Variants in INVS observed in about 807,000 individuals in gnomAD.
INVS encodes the protein inversion of embryo turning homolog.
INVS carries 86 observed loss-of-function variants against 108.8 expected under a neutral mutation model. The observed-to-expected ratio is 0.79, with a 90% CI of 0.66 to 0.95. INVS has a LOEUF of 0.95. Among genes scored for constraint, INVS ranks in the 40% least tolerant of loss-of-function variants. The pLI is 0.00. For synonymous variants in INVS, 455 were observed against 473.5 expected (o/e 0.96, Z 0.51); for missense variants, 1,169 against 1,297.4 (o/e 0.90, Z 1.52).
chr9:100,288,184 T>C (rs1273528039), intron 13 of INVS, among the ~76,000 whole-genome samples: 1 of 152,232 alleles, frequency 6.6e-6, no homozygotes, highest in Non-Finnish European at 1.5e-5. Flanking sequence ...GGTGGCTTCC[T>C]ATTCCATTGT....
chr9:100,133,782 CACACACACACACACACACACACAT>C (rs1010243169), intron 3 of INVS, among the ~76,000 whole-genome samples: 11 of 150,926 alleles, frequency 7.3e-5, no homozygotes, highest in African/African-American at 2.7e-4. Context: ...CACACACACA[CACACACACACACACACACACACAT>C]ACACACATCC....
intron 3 of INVS, among the ~76,000 whole-genome samples, chr9:100,210,537 C>G (rs915930642): frequency 1.3e-5 from 2 of 152,206 alleles, no homozygotes; most frequent in African/African-American, 2.4e-5. Flanking sequence ...TGAAGTCATT[C>G]TGTTCTAACC....
intron 10 of INVS, among the ~76,000 whole-genome samples, chr9:100,258,298 A>G (rs1427003985): frequency 1.3e-5 from 2 of 152,132 alleles, no homozygotes; most frequent in African/African-American, 4.8e-5. Context: ...CTAGTTAGCC[A>G]TTCGTCTAAT....
chr9:100,218,450 A>G (rs1831054414), intron 3 of INVS, among the ~76,000 whole-genome samples: 1 of 152,230 alleles, frequency 6.6e-6, no homozygotes, highest in Non-Finnish European at 1.5e-5. Context: ...TCAGCTGAAG[A>G]GGAAGCAAAT....
intron 3 of INVS, among the ~76,000 whole-genome samples, chr9:100,221,287 G>A (rs998028054): frequency 6.7e-6 from 1 of 149,862 alleles, no homozygotes; most frequent in Non-Finnish European, 1.5e-5. Flanking sequence ...CCCAAAGATT[G>A]AATTTGCATA....
chr9:100,253,986 G>A (rs10819751), intron 10 of INVS, among the ~76,000 whole-genome samples: 45,683 of 151,882 alleles, frequency 0.3, 7,980 homozygotes, highest in Non-Finnish European at 0.41. Context: ...TTTAGGAGTC[G>A]CCACACTGTC....
chr9:100,277,938 A>G (rs1220980340), intron 12 of INVS, among the ~76,000 whole-genome samples: 2 of 152,162 alleles, frequency 1.3e-5, no homozygotes, highest in African/African-American at 4.8e-5. Flanking sequence ...ACAATCGTAT[A>G]TAAGGAATTT....
intron 12 of INVS, among the ~76,000 whole-genome samples, chr9:100,274,245 C>G (rs1833050371): frequency 6.6e-6 from 1 of 152,024 alleles, no homozygotes; most frequent in South Asian, 2.1e-4. Flanking sequence ...GTTATGCCAG[C>G]TACTCGGGAG....
intron 16 of INVS, among the ~76,000 whole-genome samples, chr9:100,299,633 T>C (rs906545948): frequency 9.6e-6 from 1 of 104,044 alleles, no homozygotes; most frequent in Non-Finnish European, 2.0e-5. Flanking sequence ...GAGCCTTTTA[T>C]TGACACACAC....
At chr9:100,242,097 G>A (rs1266721613) in intron 6 of INVS, among the ~76,000 whole-genome samples, 1 of 152,128 alleles carries the variant, frequency 6.6e-6, no homozygotes, top group Non-Finnish European at 1.5e-5. Flanking sequence ...ATAGGGATGG[G>A]AAGCCTCAGA....
At position 100,301,782 on chromosome 9, in the gene INVS, C is replaced by T. The variant is rs2118805927; in HGVS notation, c.*1108C>T. 6.6e-6 allele frequency among the ~76,000 whole-genome samples: 1 copy of T among 152,282 alleles called. No homozygotes were observed. The highest frequency in any genetic ancestry group is 1.5e-5 in the Non-Finnish European group (1 of 68,018). Reference sequence around the variant, plus strand: ...AGACAGATAGGCAATGAAGTGTTCACTTAATTACCTTGGTTTTTAGTTTAC... The same window carrying T: ...AGACAGATAGGCAATGAAGTGTTCATTTAATTACCTTGGTTTTTAGTTTAC... On this transcript the variant is annotated 3_prime_UTR_variant, in exon 17 of 17. Coordinates refer to ENST00000262457, the MANE Select transcript of INVS (RefSeq NM_014425.5).
chr9:100,219,094 A>C (rs1437460870), intron 3 of INVS, among the ~76,000 whole-genome samples: 1 of 152,148 alleles, frequency 6.6e-6, no homozygotes, highest in Non-Finnish European at 1.5e-5. Context: ...GGAGAGCATA[A>C]ATAAAGCAAA....
In INVS at chr9:100,292,872, A is replaced by C. The variant is rs747238550; in HGVS notation, c.2615A>C (p.Gln872Pro). 8 of 1,614,170 alleles carry C rather than the reference A, an allele frequency of 5.0e-6. No homozygotes were observed. The highest frequency in any genetic ancestry group is 6.8e-6 in the Non-Finnish European group (8 of 1,180,028). The change falls in exon 14 of 17, where the codon CAG (glutamine) becomes CCG (proline). Residue 872 changes from glutamine (Q) to proline (P), a missense_variant. Gln to Pro is a moderately conservative substitution (Grantham distance 76). Around this residue, in one of 3 missense-constraint regions of INVS, gnomAD observed 533 missense variants for 536.0 expected, o/e 0.99. Coordinates refer to ENST00000262457, the MANE Select transcript of INVS (RefSeq NM_014425.5). ...LETSTLSEDF[Q>P]VSKETDPAPG... ...ACATCTACCCTGTCCGAGGACTTTCAGGTATCTAAGGAGACTGATCCAGCA... is the reference window on the plus strand; with the variant it reads ...ACATCTACCCTGTCCGAGGACTTTCCGGTATCTAAGGAGACTGATCCAGCA...
intron 3 of INVS, among the ~76,000 whole-genome samples, chr9:100,196,958 TCTCCACCAGCAAGCAAGCA>T (rs1830394981): frequency 6.6e-6 from 1 of 152,034 alleles, no homozygotes; most frequent in Non-Finnish European, 1.5e-5. Flanking sequence ...TATGGAGACC[TCTCCACCAGCAAGCAAGCA>T]GTCAGTTCTG....
intron 2 of INVS, among the ~76,000 whole-genome samples, chr9:100,122,872 C>T (rs969638241): frequency 1.3e-5 from 2 of 152,086 alleles, no homozygotes; most frequent in Non-Finnish European, 2.9e-5. Context: ...GCGTGAGCCA[C>T]TGCGCCCAGC....
intron 3 of INVS, among the ~76,000 whole-genome samples, chr9:100,176,642 A>G (rs1288795346): frequency 2.0e-5 from 3 of 151,522 alleles, no homozygotes; most frequent in Non-Finnish European, 2.9e-5. Context: ...ACACCCAGCT[A>G]TTTTGTTGTA....
At chr9:100,154,782 T>G (rs1313789047) in intron 3 of INVS, among the ~76,000 whole-genome samples, 1 of 151,882 alleles carries the variant, frequency 6.6e-6, no homozygotes, top group Non-Finnish European at 1.5e-5. Flanking sequence ...AAATGAAAAA[T>G]GAATGAAGAC....
Position 100,226,096 on chromosome 9 carries a change from G to A in INVS, c.308G>A (p.Arg103His), listed in dbSNP as rs758802357. ...CGTTTCATGAAACTCTTACTTACAC[G>A]CAGAGCAAACTGGATGCAAAAGGAT... ...NYRFMKLLLT[R>H]RANWMQKDLE... is the part of the protein sequence containing the mutation. Residue 103 changes from arginine to histidine, a missense_variant, in exon 4 of 17, where the codon CGC becomes CAC. By Grantham distance (29) the Arg-to-His change is conservative. This residue lies in a region of INVS where 365 missense variants were observed against 397.5 expected (regional missense o/e 0.92). Transcript: ENST00000262457. 6 of 1,613,186 alleles carry A rather than the reference G, an allele frequency of 3.7e-6. No homozygotes were observed. Among genetic ancestry groups the A allele is most frequent in the Middle Eastern group, 1.7e-4 (1 of 6,052 alleles).
chr9:100,218,938 A>G (rs1237140818), intron 3 of INVS, among the ~76,000 whole-genome samples: 1 of 152,302 alleles, frequency 6.6e-6, no homozygotes, highest in East Asian at 1.9e-4. Context: ...AAGATGCTCT[A>G]TGGGTCAACA....
Sources: allele counts gnomAD v4.1 joint callset (sites outside exome capture counted in the v4.1 genomes callset), GRCh38; gene constraint gnomAD v4.1.1; regional missense constraint gnomAD v4.1.1; transcripts MANE v1.5; gene names NCBI Gene and HGNC (gene_info 2026-07-23, HGNC 2026-07-21).